FBXL7: variants seen among roughly 807,000 people sequenced by gnomAD.
FBXL7 encodes the protein F-box/LRR-repeat protein 7.
A neutral mutation model predicts 38.3 loss-of-function variants in FBXL7; 12 were observed. The ratio of observed to expected loss-of-function variants is 0.31; its 90% CI spans 0.20 to 0.51. The LOEUF (loss-of-function observed/expected upper bound fraction) is 0.51, where lower values mean the gene tolerates loss of function less well. Ranked by LOEUF, FBXL7 falls within the 20% of genes least tolerant of loss-of-function variation. The pLI, the probability that FBXL7 is intolerant of heterozygous loss-of-function variation, is 0.98. For missense variants in FBXL7, 567 were observed against 676.4 expected (o/e 0.84, Z 1.79); for synonymous variants, 297 against 300.9 (o/e 0.99, Z 0.13).
intron 2 of FBXL7, among the ~76,000 whole-genome samples, chr5:15,782,814 G>A (rs1369825955): frequency 6.6e-6 from 1 of 152,126 alleles, no homozygotes; most frequent in African/African-American, 2.4e-5. Context: ...AATAGCCGAG[G>A]TTGGGATTGT....
intron 2 of FBXL7, among the ~76,000 whole-genome samples, chr5:15,670,173 T>C (rs1348164761): frequency 1.3e-5 from 2 of 152,208 alleles, no homozygotes; most frequent in African/African-American, 2.4e-5. Context: ...TTTAATTGCA[T>C]AGAGCAATCA....
intron 1 of FBXL7, among the ~76,000 whole-genome samples, chr5:15,582,025 T>C (rs1185379579): frequency 2.0e-5 from 3 of 152,120 alleles, no homozygotes; most frequent in Non-Finnish European, 4.4e-5. Flanking sequence ...GCAACCTCCA[T>C]CTCCCAGGTT....
chr5:15,729,303 G>A (rs944781879), intron 2 of FBXL7, among the ~76,000 whole-genome samples: 1 of 152,076 alleles, frequency 6.6e-6, no homozygotes, highest in Non-Finnish European at 1.5e-5. Context: ...GGATAATTTA[G>A]CATTCCCTTT....
At chr5:15,882,296 T>A (rs1180549886) in intron 2 of FBXL7, among the ~76,000 whole-genome samples, 1 of 152,194 alleles carries the variant, frequency 6.6e-6, no homozygotes, top group Non-Finnish European at 1.5e-5. Context: ...CCGGATATAC[T>A]GAATGTAAGA....
chr5:15,730,448 T>TA (rs1249782801), intron 2 of FBXL7, among the ~76,000 whole-genome samples: 5 of 152,108 alleles, frequency 3.3e-5, no homozygotes, highest in Admixed American at 1.3e-4. Flanking sequence ...TCTGTTATAT[T>TA]AAAAAAATTC....
intron 1 of FBXL7, among the ~76,000 whole-genome samples, chr5:15,510,025 A>G (rs1156408612): frequency 6.6e-6 from 1 of 152,226 alleles, no homozygotes; most frequent in African/African-American, 2.4e-5. Context: ...CCGTAGTTGA[A>G]AAAGTGTAGA....
At chr5:15,904,957 A>G (rs1265712708) in intron 2 of FBXL7, among the ~76,000 whole-genome samples, 1 of 152,154 alleles carries the variant, frequency 6.6e-6, no homozygotes, top group Non-Finnish European at 1.5e-5. Context: ...TTTTTATTTT[A>G]TGATTGAGTT....
intron 1 of FBXL7, among the ~76,000 whole-genome samples, chr5:15,573,886 C>T (rs548722751): frequency 6.6e-6 from 1 of 152,134 alleles, no homozygotes; most frequent in Non-Finnish European, 1.5e-5. Context: ...CCGTCAGCAA[C>T]CCCACTGAAA....
At chr5:15,901,576 C>T (rs1026898477) in intron 2 of FBXL7, among the ~76,000 whole-genome samples, 1 of 152,162 alleles carries the variant, frequency 6.6e-6, no homozygotes, top group African/African-American at 2.4e-5. Flanking sequence ...CCATAATTTA[C>T]TTCCCTACAA....
At position 15,823,907 on chromosome 5, in the gene FBXL7, G is replaced by A. The variant is rs73058219; in HGVS notation, c.128-103983G>A. Reference sequence around the variant, plus strand: ...CCCCTTTCAAATACAGTGTCCCGAAGTGAATGAAATGCCCCAGAAAATATT... The same window carrying A: ...CCCCTTTCAAATACAGTGTCCCGAAATGAATGAAATGCCCCAGAAAATATT... On this transcript the variant is annotated intron_variant, in intron 2 of 3. Transcript: ENST00000504595. 5.1e-3 allele frequency among the ~76,000 whole-genome samples: 769 copies of A among 152,246 alleles called. 7 individuals are homozygous for A. The highest frequency in any genetic ancestry group is 0.018 in the African/African-American group (727 of 41,542).
intron 2 of FBXL7, among the ~76,000 whole-genome samples, chr5:15,802,388 C>A (rs1229262840): frequency 1.3e-5 from 2 of 152,130 alleles, no homozygotes; most frequent in African/African-American, 4.8e-5. Context: ...CACCCCGCCC[C>A]ACCGTCCCTC....
intron 2 of FBXL7, among the ~76,000 whole-genome samples, chr5:15,897,941 A>G (rs1741143831): frequency 6.6e-6 from 1 of 152,242 alleles, no homozygotes; most frequent in Non-Finnish European, 1.5e-5. Context: ...AATATATTTC[A>G]TAATGTCACT....
chr5:15,675,148 A>G (rs1462204396), intron 2 of FBXL7, among the ~76,000 whole-genome samples: 1 of 152,250 alleles, frequency 6.6e-6, no homozygotes, highest in African/African-American at 2.4e-5. Context: ...AAAAAATGCC[A>G]CTGAGCCAAA....
chr5:15,590,761 T>C (rs1490358636), intron 1 of FBXL7, among the ~76,000 whole-genome samples: 1 of 152,102 alleles, frequency 6.6e-6, no homozygotes, highest in Non-Finnish European at 1.5e-5. Context: ...TTGAGAGGCG[T>C]TGAGAGCAGA....
At chr5:15,526,729 C>T (rs570149836) in intron 1 of FBXL7, among the ~76,000 whole-genome samples, 6 of 152,274 alleles carry the variant, frequency 3.9e-5, no homozygotes, top group Admixed American at 3.3e-4. Context: ...AACACATCAT[C>T]CTCTGGAAGG....
chr5:15,871,725 T>C (rs116540546), intron 2 of FBXL7, among the ~76,000 whole-genome samples: 1 of 151,084 alleles, frequency 6.6e-6, no homozygotes, highest in Non-Finnish European at 1.5e-5. Flanking sequence ...CATTAAAGCA[T>C]GAAGACAAGA....
chr5:15,523,228 G>T (rs894946332), intron 1 of FBXL7, among the ~76,000 whole-genome samples: 5 of 152,166 alleles, frequency 3.3e-5, no homozygotes, highest in African/African-American at 1.2e-4. Flanking sequence ...TTTAACAAGA[G>T]ACCATAGAAA....
intron 2 of FBXL7, among the ~76,000 whole-genome samples, chr5:15,856,873 G>A (rs1476886297): frequency 6.6e-6 from 1 of 152,000 alleles, no homozygotes; most frequent in East Asian, 1.9e-4. Flanking sequence ...ATCTGTCATA[G>A]TTAACCAGTT....
Position 15,582,755 on chromosome 5 carries a change from T to A in FBXL7, c.38-33228T>A, listed in dbSNP as rs181851927. Among the ~76,000 whole-genome samples, 188 of 152,346 alleles carry A rather than the reference T, an allele frequency of 1.2e-3. 1 individual carries two copies. Among genetic ancestry groups the A allele is most frequent in the Non-Finnish European group, 9.1e-4 (62 of 68,026 alleles). ...TCAATACATGATGTGCAATTGCCCT[T>A]CATTTCCATACTACTAGAGGCTACC... On this transcript the variant is annotated intron_variant, in intron 1 of 3. Transcript: ENST00000504595.
Sources: allele counts gnomAD v4.1 joint callset (sites outside exome capture counted in the v4.1 genomes callset), GRCh38; gene constraint gnomAD v4.1.1; transcripts MANE v1.5; gene names NCBI Gene and HGNC (gene_info 2026-07-23, HGNC 2026-07-21).